The following SLC9A9 variants were observed in gnomAD, a reference collection of about 807,000 sequenced individuals.
The protein encoded by SLC9A9 is sodium/hydrogen exchanger 9.
SLC9A9 carries 62 observed loss-of-function variants against 77.8 expected under a neutral mutation model. The ratio of observed to expected loss-of-function variants is 0.80; its 90% CI spans 0.65 to 0.98. The LOEUF (loss-of-function observed/expected upper bound fraction) is 0.98, where lower values mean the gene tolerates loss of function less well. SLC9A9 is among the 50% of genes least tolerant of loss of function. SLC9A9 has a pLI of 0.00. For missense variants in SLC9A9, 775 were observed against 774.9 expected (o/e 1.00, Z 0.00); for synonymous variants, 320 against 283.5 (o/e 1.13, Z -1.29).
intron 14 of SLC9A9, among the ~76,000 whole-genome samples, chr3:143,351,588 T>C (rs914755109): frequency 2.0e-5 from 3 of 152,180 alleles, no homozygotes; most frequent in Admixed American, 6.5e-5. Context: ...GTGGGATATC[T>C]TCCAAAGAGT....
At chr3:143,671,232 G>C (rs1352133992) in intron 5 of SLC9A9, among the ~76,000 whole-genome samples, 7 of 152,074 alleles carry the variant, frequency 4.6e-5, no homozygotes, top group Non-Finnish European at 8.8e-5. Flanking sequence ...CGTGGCTTTG[G>C]GTTGCTTCTA....
Position 143,606,960 on chromosome 3 carries a change from A to G in SLC9A9, c.756-28237T>C, listed in dbSNP as rs534097769. ...TGGAATAAGTAAAATAAACACTCAG[A>G]TTTGCTGTAGTAAAACTGTACAAAA... is the stretch of plus-strand genomic sequence containing the variant. On this transcript the variant is annotated intron_variant, in intron 6 of 15. Coordinates refer to ENST00000316549, the MANE Select transcript of SLC9A9 (RefSeq NM_173653.4). Among the ~76,000 whole-genome samples the G allele has an allele frequency of 4.7e-5, 7 of 149,746 alleles. No individual in the cohort carries two copies. In the South Asian group the frequency reaches 1.5e-3, roughly 32 times the overall value.
At chr3:143,507,988 C>T (rs376798578) in intron 9 of SLC9A9, among the ~76,000 whole-genome samples, 21 of 152,102 alleles carry the variant, frequency 1.4e-4, no homozygotes, top group African/African-American at 4.3e-4. Context: ...TCCCAAAGGC[C>T]CCAACTCCAA....
chr3:143,517,806 T>G, intron 9 of SLC9A9: 1 of 1,600,048 alleles, frequency 6.2e-7, no homozygotes. Context: ...GGATTCAGCT[T>G]GATGGCATCT....
intron 12 of SLC9A9, among the ~76,000 whole-genome samples, chr3:143,395,389 A>C (rs1021415234): frequency 7.2e-5 from 11 of 152,218 alleles, no homozygotes; most frequent in Non-Finnish European, 1.5e-5. Flanking sequence ...AAAACTGGCT[A>C]GCCATATGTA....
intron 4 of SLC9A9, among the ~76,000 whole-genome samples, chr3:143,751,532 A>C (rs2006716500): frequency 6.6e-6 from 1 of 151,856 alleles, no homozygotes; most frequent in South Asian, 2.1e-4. Context: ...GGCCATCCTG[A>C]CTCCAGAGTC....
chr3:143,279,249 G>A (rs1472809019), intron 14 of SLC9A9, among the ~76,000 whole-genome samples: 1 of 152,064 alleles, frequency 6.6e-6, no homozygotes, highest in Non-Finnish European at 1.5e-5. Flanking sequence ...CCCACATAGA[G>A]GTACCAGGGA....
chr3:143,719,731 T>C (rs1242309506), intron 4 of SLC9A9, among the ~76,000 whole-genome samples: 3 of 152,242 alleles, frequency 2.0e-5, no homozygotes, highest in Non-Finnish European at 4.4e-5. Flanking sequence ...ATAGTAGTAC[T>C]GAACTATCCC....
intron 2 of SLC9A9, among the ~76,000 whole-genome samples, chr3:143,799,245 A>C (rs1025196580): frequency 2.0e-5 from 3 of 151,236 alleles, no homozygotes; most frequent in Non-Finnish European, 4.4e-5. Flanking sequence ...TTACTGCCCT[A>C]GACCCATAGG....
intron 14 of SLC9A9, among the ~76,000 whole-genome samples, chr3:143,359,181 A>G (rs57334336): frequency 0.022 from 3,414 of 152,288 alleles, 151 homozygotes; most frequent in African/African-American, 0.078. Flanking sequence ...GATAGAAAAT[A>G]TTGCTTGCTT....
intron 12 of SLC9A9, among the ~76,000 whole-genome samples, chr3:143,425,111 C>A: frequency 6.6e-6 from 1 of 152,166 alleles, no homozygotes; most frequent in East Asian, 1.9e-4. Flanking sequence ...GGGTATACTT[C>A]AGCTAAAAAC....
chr3:143,748,659 G>A (rs1935257702), intron 4 of SLC9A9, among the ~76,000 whole-genome samples: 1 of 150,754 alleles, frequency 6.6e-6, no homozygotes, highest in African/African-American at 2.4e-5. Flanking sequence ...TTGAACAGAG[G>A]ACGGACTGGC....
chr3:143,724,159 G>A (rs58206494), intron 4 of SLC9A9, among the ~76,000 whole-genome samples: 5,812 of 152,198 alleles, frequency 0.038, 241 homozygotes, highest in African/African-American at 0.1. Context: ...GAAGGTGATT[G>A]GATTATGGAG....
At position 143,266,842 on chromosome 3, in the gene SLC9A9, T is replaced by C; in HGVS notation, c.1798A>G (p.Ser600Gly). Residue 600 changes from serine (S) to glycine (G), a missense_variant, in exon 16 of 16, where the codon AGT becomes GGT. By Grantham distance (56) the Ser-to-Gly change is moderately conservative. Transcript: ENST00000316549. ...NYQEQASSPCSPPARLGLDQK... is the reference protein window; with the variant it reads ...NYQEQASSPCGPPARLGLDQK... ...TCCAGACCTAGCCTTGCAGGAGGAC[T>C]GCAGGGTGAGGAGGCTTGCTCCTGG... is the stretch of plus-strand genomic sequence containing the variant. 1 of 1,614,226 alleles carries C rather than the reference T, an allele frequency of 6.2e-7. No homozygotes were observed. The highest frequency in any genetic ancestry group is 8.5e-7 in the Non-Finnish European group (1 of 1,180,046).
intron 4 of SLC9A9, among the ~76,000 whole-genome samples, chr3:143,741,768 C>T (rs1240220841): frequency 6.6e-6 from 1 of 152,050 alleles, no homozygotes; most frequent in African/African-American, 2.4e-5. Flanking sequence ...TCCCCCTAAC[C>T]CATTGAAACC....
intron 6 of SLC9A9, among the ~76,000 whole-genome samples, chr3:143,642,515 A>T (rs1017882108): frequency 6.6e-6 from 1 of 152,244 alleles, no homozygotes; most frequent in South Asian, 2.1e-4. Flanking sequence ...AAATAAACCT[A>T]AAACCTGCAA....
chr3:143,762,993 C>T (rs536218752), intron 4 of SLC9A9, among the ~76,000 whole-genome samples: 2 of 152,290 alleles, frequency 1.3e-5, no homozygotes, highest in South Asian at 4.1e-4. Context: ...CTGCCATTCA[C>T]TCAGGTGGGG....
chr3:143,687,319 T>C (rs924516387), intron 5 of SLC9A9, among the ~76,000 whole-genome samples: 2 of 152,174 alleles, frequency 1.3e-5, no homozygotes, highest in African/African-American at 2.4e-5. Context: ...GAGCATAGGT[T>C]TCCTCTCGTA....
intron 4 of SLC9A9, among the ~76,000 whole-genome samples, chr3:143,750,077 AAGAGAC>A (rs2006658979): frequency 6.6e-6 from 1 of 152,206 alleles, no homozygotes; most frequent in Non-Finnish European, 1.5e-5. Context: ...GACACAGAGA[AAGAGAC>A]AGAGAGAAAG....
Sources: allele counts gnomAD v4.1 joint callset (sites outside exome capture counted in the v4.1 genomes callset), GRCh38; gene constraint gnomAD v4.1.1; transcripts MANE v1.5; gene names NCBI Gene and HGNC (gene_info 2026-07-23, HGNC 2026-07-21).